Variants in GRAMD1A observed in about 807,000 individuals in gnomAD.
The protein encoded by GRAMD1A is protein Aster-A.
In GRAMD1A, 50 loss-of-function variants were observed where a neutral mutation model predicts 92.0. That is an observed-to-expected ratio of 0.54 (90% CI 0.43 to 0.69). The LOEUF is 0.69. Ranked by LOEUF, GRAMD1A falls within the 30% of genes least tolerant of loss-of-function variation. The pLI is 0.00. For missense variants in GRAMD1A, 819 were observed against 978.9 expected, an observed-to-expected ratio of 0.84 and a Z score of 2.18; for synonymous variants, 405 against 403.6, an observed-to-expected ratio of 1.00 and a Z score of -0.04.
rs2016440735 is a variant in GRAMD1A at position 35,026,370 on chromosome 19, T to TG, written c.*230dup. On this transcript the variant is annotated 3_prime_UTR_variant, in exon 20 of 20. Transcript: ENST00000317991. ...CTAACTTATTTTGCCCGGCTGAGGT[T>TG]GTGGGGGGCGCCTCCTGGGGTGCAC... The TG allele has an allele frequency of 1.7e-6, 1 of 582,148 alleles. No homozygotes were observed. Among genetic ancestry groups the TG allele is most frequent in the Admixed American group, 3.0e-5 (1 of 33,490 alleles). 36.1% of individuals were successfully genotyped at this position (582,148 alleles called of 1,614,324 possible).
At chr19:35,010,953 C>T (rs1157559065) in intron 6 of GRAMD1A, among the ~76,000 whole-genome samples, 1 of 151,792 alleles carries the variant, frequency 6.6e-6, no homozygotes, top group African/African-American at 2.4e-5. Flanking sequence ...AAAAAATTAA[C>T]CAGGTGTGGT....
chr19:35,012,346 C>T (rs2015301824), intron 7 of GRAMD1A, among the ~76,000 whole-genome samples: 1 of 151,006 alleles, frequency 6.6e-6, no homozygotes, highest in African/African-American at 2.4e-5. Flanking sequence ...CACCTACTTT[C>T]CAGATGGTTT....
upstream of GRAMD1A, among the ~76,000 whole-genome samples, chr19:34,995,519 G>A (rs541071377): frequency 4.3e-4 from 65 of 151,194 alleles, no homozygotes; most frequent in South Asian, 8.4e-4. Flanking sequence ...AAGGGAATGA[G>A]GTTAGCAGGG....
rs373468606 is a variant in GRAMD1A at position 35,015,896 on chromosome 19, A to G, written c.1142A>G (p.Glu381Gly). 19 of 1,613,902 alleles carry G rather than the reference A, an allele frequency of 1.2e-5. No individual in the cohort carries two copies. The African/African-American group carries it at 1.7e-4, about 15-fold the overall frequency. The change falls in exon 11 of 20, where the codon GAG (glutamate) becomes GGG (glycine). Residue 381 changes from glutamate (E) to glycine (G), a missense_variant. Coordinates refer to ENST00000317991, the MANE Select transcript of GRAMD1A (RefSeq NM_020895.5). The stretch of plus-strand genomic sequence containing the variant: ...AACTCTGTCTTCCATGTGGGCGCTG[A>G]GCGGCTCCAGCAGATGCTCTTCTCG... The part of the protein sequence containing the change: ...LINSVFHVGA[E>G]RLQQMLFSDS...
chr19:34,997,217 A>C (rs377704182), upstream of GRAMD1A, among the ~76,000 whole-genome samples: 1 of 152,032 alleles, frequency 6.6e-6, no homozygotes, highest in African/African-American at 2.4e-5. Flanking sequence ...CGCAATCAGC[A>C]CTTCTTTATC....
At chr19:35,025,634 T>C (rs898135134) in intron 19 of GRAMD1A, among the ~76,000 whole-genome samples, 1 of 152,192 alleles carries the variant, frequency 6.6e-6, no homozygotes, top group Non-Finnish European at 1.5e-5. Flanking sequence ...GAGTGGGTAA[T>C]GGTGACAGCT....
intron 3 of GRAMD1A, 134 bp downstream of exon 3, chr19:35,009,577 T>C (rs2015072114): frequency 2.2e-6 from 2 of 908,088 alleles, no homozygotes; most frequent in Non-Finnish European, 3.6e-6. Context: ...TTCTATGCTA[T>C]TATTTATGTG....
intron 6 of GRAMD1A, 54 bp from the exon 7 acceptor site, chr19:35,011,420 G>A (rs1246889130): frequency 2.2e-6 from 3 of 1,372,054 alleles, no homozygotes; most frequent in Non-Finnish European, 1.0e-6. Flanking sequence ...CCCCACCTCT[G>A]TCCTGGTCGC....
In GRAMD1A at chr19:35,009,125, A is replaced by G; in HGVS notation, c.15A>G (p.Thr5=). Residue 5 remains threonine, a synonymous_variant, in exon 2 of 20, where the codon ACA becomes ACG. Transcript: ENST00000317991. MFDT[T]PHSGRSTPSS... is the part of the protein sequence containing the mutation. ...TTCCTCTTCCTGCCCCCAGCACCACACCCCACTCTGGCCGGAGCACGCCAA... is the reference window on the plus strand; with the variant it reads ...TTCCTCTTCCTGCCCCCAGCACCACGCCCCACTCTGGCCGGAGCACGCCAA... 6.2e-7 allele frequency: 1 copy of G among 1,610,608 alleles called. No individual in the cohort carries two copies. Among genetic ancestry groups the G allele is most frequent in the East Asian group, 2.2e-5 (1 of 44,834 alleles).
Position 35,013,450 on chromosome 19 carries a change from G to C in GRAMD1A, c.719+82G>C. On this transcript the variant is annotated intron_variant, in intron 8 of 19. Transcript: ENST00000317991. The surrounding 1 kb of genome is among the most constrained non-coding windows in gnomAD (Gnocchi z 4.9). ...TGCAGAGTTCCTGGAGTGCTGGGGG[G>C]CCTGAGATGGTTGTATGACGTCTGG... 2 of 1,523,974 alleles carry C rather than the reference G, an allele frequency of 1.3e-6. No homozygotes were observed. The allele number at this position is 1,523,974 out of a possible 1,614,324, so 94.4% of individuals were successfully genotyped here.
chr19:34,995,229 T>C (rs779701562), intron 1 of GRAMD1A, among the ~76,000 whole-genome samples: 1 of 152,228 alleles, frequency 6.6e-6, no homozygotes, highest in Non-Finnish European at 1.5e-5. Flanking sequence ...GGCTCCTTCC[T>C]GACCCTTTGT....
At chr19:35,001,493 A>G (rs1424244083) in intron 1 of GRAMD1A, among the ~76,000 whole-genome samples, 3 of 152,004 alleles carry the variant, frequency 2.0e-5, no homozygotes, top group East Asian at 1.9e-4. Context: ...GTAAGTTACC[A>G]GTGTGCGTCC....
At position 35,010,581 on chromosome 19, in the gene GRAMD1A, T is replaced by C; in HGVS notation, c.525+202T>C. On this transcript the variant is annotated intron_variant, in intron 6 of 19. Transcript: ENST00000317991. ...CTCTCTTTCCCTGCAACCTGTTACC[T>C]CACACAGCTGCTCAGGAACAGCAGA... is the stretch of plus-strand genomic sequence containing the variant. 9 of 602,762 alleles carry C rather than the reference T, an allele frequency of 1.5e-5. No individual in the cohort carries two copies. The South Asian group carries it at 1.6e-4, about 10-fold the overall frequency. The allele number at this position is 602,762 out of a possible 1,614,324, so 37.3% of individuals were successfully genotyped here. A position where few individuals can be genotyped will look rare whatever the true frequency, so the allele number is the denominator to read the frequency against.
intron 1 of GRAMD1A, among the ~76,000 whole-genome samples, chr19:35,001,646 C>T (rs575100116): frequency 2.0e-5 from 3 of 151,800 alleles, no homozygotes; most frequent in South Asian, 4.2e-4. Context: ...CTGGCTCTGT[C>T]GCCCAGGCTA....
At chr19:35,014,461 G>T in intron 10 of GRAMD1A, 74 bp downstream of exon 10, 1 of 1,313,936 alleles carries the variant, frequency 7.6e-7, no homozygotes, top group Non-Finnish European at 1.1e-6. Context: ...AGAGGGGATG[G>T]ATTCGCCCGC....
upstream of GRAMD1A, chr19:34,995,889 T>C (rs753096845): frequency 9.8e-6 from 7 of 715,880 alleles, no homozygotes; most frequent in South Asian, 1.9e-5. Flanking sequence ...GGTCCCCAAC[T>C]GTGCTCTTAA....
chr19:35,004,761 C>T (rs1181269258), intron 1 of GRAMD1A, among the ~76,000 whole-genome samples: 5 of 152,116 alleles, frequency 3.3e-5, no homozygotes, highest in African/African-American at 7.2e-5. Context: ...CTGGCAGCCG[C>T]GCTGTACACT....
At chr19:34,995,138 G>A (rs184271968) in intron 1 of GRAMD1A, among the ~76,000 whole-genome samples, 1 of 152,360 alleles carries the variant, frequency 6.6e-6, no homozygotes, top group East Asian at 1.9e-4. Context: ...AAGCAAACAG[G>A]GAAGGGGAAT....
chr19:35,026,022 C>G (rs55783009), intron 19 of GRAMD1A, 27 bp from the exon 20 acceptor site: 37,600 of 1,274,256 alleles, frequency 0.03, 729 homozygotes, highest in Non-Finnish European at 0.036. Flanking sequence ...GCGTTCACCC[C>G]CGACCCTGCT....
Sources: allele counts gnomAD v4.1 joint callset (sites outside exome capture counted in the v4.1 genomes callset), GRCh38; gene constraint gnomAD v4.1.1; non-coding constraint Gnocchi (gnomAD v3.1); transcripts MANE v1.5; gene names NCBI Gene and HGNC (gene_info 2026-07-23, HGNC 2026-07-21).